DNAH8: variants seen among roughly 807,000 people sequenced by gnomAD.
DNAH8 encodes the protein axonemal beta dynein heavy chain 8.
In DNAH8, 382 loss-of-function variants were observed where a neutral mutation model predicts 562.1. That is an observed-to-expected ratio of 0.68 (90% confidence interval 0.63 to 0.74). DNAH8 has a LOEUF of 0.74. DNAH8 is among the 30% of genes least tolerant of loss of function. The pLI, the probability that DNAH8 is intolerant of heterozygous loss-of-function variation, is 0.00. For missense variants in DNAH8, 5,203 were observed against 5,620.4 expected (o/e 0.93, Z 2.37); for synonymous variants, 1,881 against 1,919.4 (o/e 0.98, Z 0.52).
intron 79 of DNAH8, 89 bp from the exon 80 acceptor site, chr6:38,945,378 G>A (rs1761318832): frequency 1.5e-6 from 2 of 1,345,838 alleles, no homozygotes; most frequent in Admixed American, 2.1e-5. Flanking sequence ...TCAGTAATGT[G>A]GCTATTTTGC....
Position 38,844,875 on chromosome 6 carries a change from T to C in DNAH8, c.4846-699T>C, listed in dbSNP as rs115448304. ...TGTTCCTCCTCAGCACAGACCTCCCTCCTCAGAAATCACCATGGTTCACAT... is the reference window on the plus strand; with the variant it reads ...TGTTCCTCCTCAGCACAGACCTCCCCCCTCAGAAATCACCATGGTTCACAT... On this transcript the variant is annotated intron_variant, in intron 35 of 92. Transcript: ENST00000327475. Among the ~76,000 whole-genome samples the C allele has an allele frequency of 5.1e-3, 778 of 152,316 alleles. 7 individuals are homozygous for C. Among genetic ancestry groups the C allele is most frequent in the African/African-American group, 0.018 (755 of 41,574 alleles).
At chr6:38,888,957 A>G (rs1288598481) in intron 57 of DNAH8, among the ~76,000 whole-genome samples, 1 of 152,230 alleles carries the variant, frequency 6.6e-6, no homozygotes, top group Non-Finnish European at 1.5e-5. Context: ...CTATCCGGAC[A>G]TCATACAAGT....
Position 38,872,633 on chromosome 6 carries a change from C to T in DNAH8, c.7088C>T (p.Thr2363Ile). The change falls in exon 50 of 93, where the codon ACA (threonine) becomes ATA (isoleucine). Residue 2363 changes from threonine (T) to isoleucine (I), a missense_variant. Physicochemically the swap from Thr to Ile is moderately conservative, Grantham distance 89 (BLOSUM62 -1). Transcript: ENST00000327475. ...ATCACGATTCTAATGAAGGCGCAAA[C>T]AGAATGCGGAAGGCCTCATAGAGAA... is the stretch of plus-strand genomic sequence containing the variant. ...TVITILMKAQ[T>I]ECGRPHREMR... 5.6e-6 allele frequency: 9 copies of T among 1,614,098 alleles called. No individual in the cohort carries two copies. Among genetic ancestry groups the T allele is most frequent in the Non-Finnish European group, 7.6e-6 (9 of 1,179,982 alleles).
intron 61 of DNAH8, 68 bp downstream of exon 61, chr6:38,898,448 A>T (rs1583302335): frequency 1.5e-6 from 2 of 1,362,200 alleles, no homozygotes; most frequent in South Asian, 3.3e-5. Context: ...TCATAGATAA[A>T]TTTTTTGAGA....
chr6:38,796,499 A>C (rs1770259975), intron 21 of DNAH8, among the ~76,000 whole-genome samples: 1 of 152,058 alleles, frequency 6.6e-6, no homozygotes, highest in Admixed American at 6.5e-5. Flanking sequence ...AAGAAGTAAA[A>C]ACTAAAAGGC....
rs1281474390 is a variant in DNAH8, at chr6:38,982,365, C to T, written c.12854C>T (p.Pro4285Leu). 7.5e-6 allele frequency: 12 copies of T among 1,604,232 alleles called. No homozygotes were observed. The highest frequency in any genetic ancestry group is 1.0e-5 in the Non-Finnish European group (12 of 1,172,140). ...STVQERRKFGPLGWNIPYEFN... is the reference protein window; with the variant it reads ...STVQERRKFGLLGWNIPYEFN... ...TTTAAGGAGCGACGAAAATTTGGCCCCTTAGGATGGAATATTCCCTACGAA... is the reference window on the plus strand; with the variant it reads ...TTTAAGGAGCGACGAAAATTTGGCCTCTTAGGATGGAATATTCCCTACGAA... The change falls in exon 86 of 93, where the codon CCC (proline) becomes CTC (leucine). Residue 4285 changes from proline to leucine, a missense_variant. Coordinates refer to ENST00000327475, the MANE Select transcript of DNAH8 (RefSeq NM_001206927.2).
intron 88 of DNAH8, among the ~76,000 whole-genome samples, chr6:38,996,686 A>G (rs1353882094): frequency 7.1e-6 from 1 of 140,830 alleles, no homozygotes; most frequent in Non-Finnish European, 1.6e-5. Context: ...GACAGGTCTC[A>G]AGGGGGGACT....
At chr6:38,754,363 A>C (rs142453282) in intron 9 of DNAH8, among the ~76,000 whole-genome samples, 1 of 152,114 alleles carries the variant, frequency 6.6e-6, no homozygotes, top group African/African-American at 2.4e-5. Context: ...GCATATTTTT[A>C]TTAGGATCTT....
chr6:39,012,157 T>C, intron 89 of DNAH8, 58 bp from the exon 90 acceptor site: 18 of 1,266,652 alleles, frequency 1.4e-5, no homozygotes, highest in Non-Finnish European at 2.0e-5. Context: ...AAGAGGTTAT[T>C]GGAAGAGAAA....
chr6:38,869,947 G>T (rs1777337933), intron 48 of DNAH8, among the ~76,000 whole-genome samples: 1 of 152,168 alleles, frequency 6.6e-6, no homozygotes, highest in Non-Finnish European at 1.5e-5. Context: ...AAGGAAAGAG[G>T]TTTGATGAAC....
intron 32 of DNAH8, among the ~76,000 whole-genome samples, chr6:38,836,585 T>C (rs1468807898): frequency 1.3e-5 from 2 of 151,502 alleles, no homozygotes; most frequent in Non-Finnish European, 2.9e-5. Context: ...TGCCTGTCTC[T>C]CGAGGTGTGA....
rs555936688 is a variant in DNAH8, at chr6:38,838,582, G to A, written c.4466+540G>A. Among the ~76,000 whole-genome samples the A allele has an allele frequency of 3.3e-5, 5 of 152,052 alleles. No homozygotes were observed. The South Asian group carries it at 8.3e-4, about 25-fold the overall frequency. ...GCCGGCTAATTTTTTTGTGTTTTTA[G>A]TAGAGACGGGGTTTCACCATGTTAG... On this transcript the variant is annotated intron_variant, in intron 33 of 92. Coordinates refer to ENST00000327475, the MANE Select transcript of DNAH8 (RefSeq NM_001206927.2).
At chr6:38,820,690 T>C (rs1772741917) in intron 26 of DNAH8, among the ~76,000 whole-genome samples, 1 of 152,118 alleles carries the variant, frequency 6.6e-6, no homozygotes, top group African/African-American at 2.4e-5. Flanking sequence ...CCAAATGAGG[T>C]TTATCCCATA....
intron 10 of DNAH8, among the ~76,000 whole-genome samples, chr6:38,758,337 A>G (rs1766137775): frequency 2.0e-5 from 3 of 151,438 alleles, no homozygotes; most frequent in African/African-American, 7.3e-5. Flanking sequence ...TTTGTCTGTT[A>G]TTGGTGTATA....
Position 39,015,768 on chromosome 6 carries a change from T to C in DNAH8, c.13714+3131T>C, listed in dbSNP as rs575204479. ...TTCCTTCATTTGTTAATAATACTTA[T>C]CTTTTCCCTTTTCTTCAGTTCTGCT... On this transcript the variant is annotated intron_variant, in intron 91 of 92. Coordinates refer to ENST00000327475, the MANE Select transcript of DNAH8 (RefSeq NM_001206927.2). 9.8e-5 allele frequency among the ~76,000 whole-genome samples: 15 copies of C among 152,356 alleles called. No individual in the cohort carries two copies. In the East Asian group the frequency reaches 2.5e-3, roughly 25 times the overall value.
At chr6:38,786,716 G>T in intron 17 of DNAH8, 49 bp from the exon 18 acceptor site, 1 of 1,567,568 alleles carries the variant, frequency 6.4e-7, no homozygotes. Flanking sequence ...ACAGCTGGAA[G>T]CAGAAAGGAA....
At chr6:39,021,417 C>T (rs547011243) in intron 91 of DNAH8, among the ~76,000 whole-genome samples, 1 of 152,304 alleles carries the variant, frequency 6.6e-6, no homozygotes, top group African/African-American at 2.4e-5. Flanking sequence ...TGGGTTCCAC[C>T]TCCAGAGATT....
At chr6:38,850,180 C>G in intron 37 of DNAH8, 71 bp from the exon 38 acceptor site, 1 of 1,438,996 alleles carries the variant, frequency 6.9e-7, no homozygotes, top group Non-Finnish European at 9.5e-7. Context: ...ATAGAAAATT[C>G]CAAGGTGAAG....
intron 88 of DNAH8, among the ~76,000 whole-genome samples, chr6:38,999,704 G>A (rs1006633503): frequency 6.6e-6 from 1 of 151,688 alleles, no homozygotes; most frequent in East Asian, 1.9e-4. Context: ...CTGAGAGGGG[G>A]AATCCTGTGA....
Sources: allele counts gnomAD v4.1 joint callset (sites outside exome capture counted in the v4.1 genomes callset), GRCh38; gene constraint gnomAD v4.1.1; transcripts MANE v1.5; gene names NCBI Gene and HGNC (gene_info 2026-07-23, HGNC 2026-07-21).